GLYR1: variants seen among roughly 807,000 people sequenced by gnomAD.
GLYR1 encodes the protein glyoxylate reductase 1 homolog.
Under a neutral mutation model 72.7 loss-of-function variants are expected in GLYR1, and 21 were observed. That is an observed-to-expected ratio of 0.29 (90% CI 0.20 to 0.42). GLYR1 has a LOEUF of 0.42. GLYR1 is among the 10% of genes least tolerant of loss of function. The pLI is 1.00. For synonymous variants in GLYR1, 392 were observed against 270.2 expected (o/e 1.45, Z -4.42); for missense variants, 594 against 712.1 (o/e 0.83, Z 1.89).
At chr16:4,807,142 T>C (rs1390311534) in intron 15 of GLYR1, among the ~76,000 whole-genome samples, 2 of 145,672 alleles carry the variant, frequency 1.4e-5, no homozygotes, top group African/African-American at 2.6e-5. Flanking sequence ...GACGGAGTCT[T>C]GGTCTGTCGC....
intron 15 of GLYR1, among the ~76,000 whole-genome samples, chr16:4,809,779 T>C (rs1404068549): frequency 6.6e-6 from 1 of 150,656 alleles, no homozygotes; most frequent in Non-Finnish European, 1.5e-5. Context: ...CAAAAATCAG[T>C]TGTGTATGGT....
chr16:4,846,393 C>A (rs904863645), intron 1 of GLYR1, among the ~76,000 whole-genome samples, 183 bp from the exon 2 acceptor site: 1 of 152,254 alleles, frequency 6.6e-6, no homozygotes, highest in Non-Finnish European at 1.5e-5. Context: ...CTTATGTGCA[C>A]AACGCATATC....
chr16:4,806,721 G>A (rs932503384), intron 15 of GLYR1, among the ~76,000 whole-genome samples: 11 of 151,738 alleles, frequency 7.2e-5, no homozygotes, highest in East Asian at 1.9e-4. Context: ...GATTTATACC[G>A]CAATCTGTAG....
rs1348686392 is a variant in GLYR1 at position 4,835,346 on chromosome 16, C to T, written c.156-2434G>A. Reference sequence around the variant, plus strand: ...CTGATTTCTGCTAGAAGGAACTGTACAGTCAAAATTCCACTCACTTTAAAG... The same window carrying T: ...CTGATTTCTGCTAGAAGGAACTGTATAGTCAAAATTCCACTCACTTTAAAG... On this transcript the variant is annotated intron_variant, in intron 3 of 15. Coordinates refer to ENST00000321919, the MANE Select transcript of GLYR1 (RefSeq NM_032569.4). Among the ~76,000 whole-genome samples, 3 of 152,188 alleles carry T rather than the reference C, an allele frequency of 2.0e-5. No individual in the cohort carries two copies. In the East Asian group the frequency reaches 5.8e-4, roughly 29 times the overall value.
chr16:4,816,575 TTTG>T (rs1157191395), intron 10 of GLYR1, among the ~76,000 whole-genome samples: 3 of 152,230 alleles, frequency 2.0e-5, no homozygotes, highest in Non-Finnish European at 4.4e-5. Flanking sequence ...ATTTTATTTT[TTTG>T]TTGTTGGGGA....
At chr16:4,817,526 AGGGGGAG>A in intron 10 of GLYR1, 65 bp downstream of exon 10, 1 of 882,890 alleles carries the variant, frequency 1.1e-6, no homozygotes, top group Non-Finnish European at 1.9e-6. Flanking sequence ...CTGAGACAAC[AGGGGGAG>A]ATGTCCACTC....
chr16:4,815,198 T>C (rs1352004929), intron 10 of GLYR1, among the ~76,000 whole-genome samples: 3 of 151,812 alleles, frequency 2.0e-5, no homozygotes, highest in African/African-American at 4.8e-5. Flanking sequence ...CTCAACCTCC[T>C]GGACTCAAGT....
intron 3 of GLYR1, among the ~76,000 whole-genome samples, chr16:4,836,858 C>A (rs2085170378): frequency 6.6e-6 from 1 of 151,928 alleles, no homozygotes; most frequent in African/African-American, 2.4e-5. Flanking sequence ...AAGGCCTCTG[C>A]CCTAGAACAC....
At chr16:4,823,712 A>G (rs1387433754) in intron 6 of GLYR1, 109 bp downstream of exon 6, 2 of 865,364 alleles carry the variant, frequency 2.3e-6, no homozygotes, top group African/African-American at 1.7e-5. Flanking sequence ...TTTTGTAATA[A>G]TAAATTAAGC....
chr16:4,809,982 C>T (rs918072898), intron 15 of GLYR1, among the ~76,000 whole-genome samples: 13 of 151,898 alleles, frequency 8.6e-5, no homozygotes, highest in African/African-American at 2.9e-4. Context: ...CAGGGCAGGG[C>T]ATGTTCTTTG....
rs903196533 is a variant in GLYR1 at position 4,843,687 on chromosome 16, A to G, written c.155+1387T>C. 5 of 1,241,242 alleles carry G rather than the reference A, an allele frequency of 4.0e-6. No homozygotes were observed. The African/African-American group carries it at 7.7e-5, about 19-fold the overall frequency. The allele number at this position is 1,241,242 out of a possible 1,614,324, so 76.9% of individuals were successfully genotyped here. On this transcript the variant is annotated intron_variant, in intron 3 of 15. Coordinates refer to ENST00000321919, the MANE Select transcript of GLYR1 (RefSeq NM_032569.4). Reference sequence around the variant, plus strand: ...ACTGTTTATAATATATCGCTTTCTAAGTAGAAATACTTTAACCGTCAGAAT... The same window carrying G: ...ACTGTTTATAATATATCGCTTTCTAGGTAGAAATACTTTAACCGTCAGAAT...
intron 6 of GLYR1, 101 bp downstream of exon 6, chr16:4,823,720 A>T (rs1310933112): frequency 1.1e-6 from 1 of 879,004 alleles, no homozygotes; most frequent in East Asian, 2.4e-5. Flanking sequence ...TAATAAATTA[A>T]GCCTCACACA....
chr16:4,825,422 T>C (rs1046384238), intron 5 of GLYR1, among the ~76,000 whole-genome samples: 3 of 152,206 alleles, frequency 2.0e-5, no homozygotes, highest in African/African-American at 4.8e-5. Flanking sequence ...TTCTGACAGT[T>C]ATCTCCTTGG....
At chr16:4,841,222 C>T (rs532192732) in intron 3 of GLYR1, among the ~76,000 whole-genome samples, 1 of 152,158 alleles carries the variant, frequency 6.6e-6, no homozygotes, top group Admixed American at 6.5e-5. Flanking sequence ...ACCTGTTTGC[C>T]TGGTTAAGCT....
chr16:4,812,994 GCT>G lies in GLYR1; in HGVS notation c.1119+741_1119+742del, dbSNP rs573506186. On this transcript the variant is annotated intron_variant, in intron 12 of 15. Coordinates refer to ENST00000321919, the MANE Select transcript of GLYR1 (RefSeq NM_032569.4). ...TTTTTTTTTTTTGAGACGGAGTCTT[GCT>G]CTGTTGCCCAGGCTGGAGTGCAGTG... 5.7e-5 allele frequency among the ~76,000 whole-genome samples: 8 copies of G among 140,142 alleles called. No homozygotes were observed. In the South Asian group the frequency reaches 1.8e-3, roughly 31 times the overall value. The allele number at this position is 140,142 out of a possible 152,430, so 91.9% of individuals were successfully genotyped here. A position where few individuals can be genotyped will look rare whatever the true frequency, so the allele number is the denominator to read the frequency against.
intron 1 of GLYR1, chr16:4,846,544 G>A (rs769640798): frequency 1.1e-4 from 33 of 298,992 alleles, no homozygotes; most frequent in Non-Finnish European, 1.8e-4. Flanking sequence ...AATTCAACAG[G>A]AGACCTGCCT....
chr16:4,842,875 T>C (rs1389589850), intron 3 of GLYR1, among the ~76,000 whole-genome samples: 1 of 152,034 alleles, frequency 6.6e-6, no homozygotes, highest in African/African-American at 2.4e-5. Context: ...AATTTTTGTA[T>C]TTTTAGTAGA....
At position 4,821,613 on chromosome 16, in the gene GLYR1, G is replaced by A. The variant is rs749452138; in HGVS notation, c.682-16C>T. 1 of 1,612,838 alleles carries A rather than the reference G, an allele frequency of 6.2e-7. No individual in the cohort carries two copies. Among genetic ancestry groups the A allele is most frequent in the Non-Finnish European group, 8.5e-7 (1 of 1,179,160 alleles). ...AGACAGCTGGCTAATGAAGGAGGAGGAAAGAGACTACTTGTGCTACTGCAG... is the reference window on the plus strand; with the variant it reads ...AGACAGCTGGCTAATGAAGGAGGAGAAAAGAGACTACTTGTGCTACTGCAG... On this transcript the variant is annotated splice_polypyrimidine_tract_variant and intron_variant, in intron 7 of 15. Coordinates refer to ENST00000321919, the MANE Select transcript of GLYR1 (RefSeq NM_032569.4).
intron 5 of GLYR1, among the ~76,000 whole-genome samples, chr16:4,827,434 C>T (rs1222844256): frequency 6.6e-6 from 1 of 152,202 alleles, no homozygotes; most frequent in Admixed American, 6.5e-5. Context: ...TCCTCTCCTG[C>T]TCATACGTCC....
Sources: gnomAD v4.1 joint callset for allele counts (sites outside exome capture counted in the v4.1 genomes callset) on GRCh38, gnomAD v4.1.1 for gene constraint, MANE v1.5 for transcripts, NCBI Gene and HGNC (gene_info 2026-07-23, HGNC 2026-07-21) for gene names.